The following MGRN1 variants were observed in gnomAD, a reference collection of about 807,000 sequenced individuals.
MGRN1 encodes the protein E3 ubiquitin-protein ligase MGRN1.
MGRN1 carries 29 observed loss-of-function variants against 69.2 expected under a neutral mutation model. The ratio of observed to expected loss-of-function variants is 0.42; its 90% confidence interval spans 0.31 to 0.57. The LOEUF (loss-of-function observed/expected upper bound fraction) is 0.57. Ranked by LOEUF, MGRN1 falls within the 20% of genes least tolerant of loss-of-function variation. The pLI, the probability that MGRN1 is intolerant of heterozygous loss-of-function variation, is 0.15. For missense variants in MGRN1, 998 were observed against 796.2 expected, an observed-to-expected ratio of 1.25 and a Z score of -3.05; for synonymous variants, 470 against 344.2, an observed-to-expected ratio of 1.37 and a Z score of -4.04.
At chr16:4,663,984 G>T (rs1187953202) in intron 5 of MGRN1, 1 of 152,370 alleles carries the variant, frequency 6.6e-6, no homozygotes, top group African/African-American at 2.4e-5. Context: ...GCCTTCTTCA[G>T]AAAGTTACAG....
chr16:4,676,635 C>A lies in MGRN1; in HGVS notation c.956-828C>A, dbSNP rs552401827. Among the ~76,000 whole-genome samples, 12 of 152,292 alleles carry A rather than the reference C, an allele frequency of 7.9e-5. No homozygotes were observed. The East Asian group carries it at 1.7e-3, about 22-fold the overall frequency. ...CCTGTCCCTGGGCTGACGGCAGATG[C>A]ATTGGTTTGTTGGAGGTGGCTGGTT... is the stretch of plus-strand genomic sequence containing the variant. On this transcript the variant is annotated intron_variant, in intron 10 of 16. Transcript: ENST00000262370.
chr16:4,687,263 C>T (rs547892211), intron 16 of MGRN1: 33 of 985,370 alleles, frequency 3.3e-5, no homozygotes, highest in African/African-American at 1.2e-4. Context: ...TTACAGAAGG[C>T]GGCTCTGTCC....
At chr16:4,634,349 C>T (rs996420726) in intron 1 of MGRN1, 1 of 152,564 alleles carries the variant, frequency 6.6e-6, no homozygotes, top group African/African-American at 2.4e-5. Context: ...TTCTGTATTT[C>T]CTGGATGACC....
At position 4,635,641 on chromosome 16, in the gene MGRN1, TTC is replaced by T. The variant is rs1315582075; in HGVS notation, c.88+10595_88+10596del. ...GCCACCACACCCAGCTAACTTTTTTTTCTTTTTTTTTGAGACAGAGTCTCGCA... is the reference window on the plus strand; with the variant it reads ...GCCACCACACCCAGCTAACTTTTTTTTTTTTTTTTGAGACAGAGTCTCGCA... On this transcript the variant is annotated intron_variant, in intron 1 of 16. Transcript: ENST00000262370. 2.0e-4 allele frequency among the ~76,000 whole-genome samples: 31 copies of T among 151,434 alleles called. No individual in the cohort carries two copies. The South Asian group carries it at 4.6e-3, about 23-fold the overall frequency.
intron 13 of MGRN1, 76 bp from the exon 14 acceptor site, chr16:4,682,747 C>T (rs2079217110): frequency 7.0e-7 from 1 of 1,421,986 alleles, no homozygotes; most frequent in Non-Finnish European, 9.3e-7. Flanking sequence ...CCCCAGGTGC[C>T]CTGCATGGCT....
intron 2 of MGRN1, 47 bp downstream of exon 2, chr16:4,650,530 C>T (rs1267500647): frequency 2.1e-6 from 3 of 1,463,254 alleles, no homozygotes; most frequent in Admixed American, 4.2e-5. Context: ...GGTGGGAGGC[C>T]CCTGTCCCCA....
intron 1 of MGRN1, among the ~76,000 whole-genome samples, chr16:4,636,548 G>A (rs1371111136): frequency 6.6e-6 from 1 of 152,154 alleles, no homozygotes; most frequent in Non-Finnish European, 1.5e-5. Flanking sequence ...TGTTGGGGCT[G>A]TTGGGTGCAT....
At chr16:4,646,107 C>T (rs1183642326) in intron 1 of MGRN1, among the ~76,000 whole-genome samples, 1 of 151,812 alleles carries the variant, frequency 6.6e-6, no homozygotes, top group African/African-American at 2.4e-5. Flanking sequence ...GCGGCTCCGT[C>T]GGGGGGCTCT....
chr16:4,631,778 A>G (rs1898013205), intron 1 of MGRN1, among the ~76,000 whole-genome samples: 2 of 152,162 alleles, frequency 1.3e-5, no homozygotes, highest in Admixed American at 6.6e-5. Context: ...GCAGCCTGCA[A>G]TTTTGATAAG....
intron 1 of MGRN1, among the ~76,000 whole-genome samples, chr16:4,644,268 A>T (rs963153595): frequency 1.3e-5 from 2 of 148,668 alleles, no homozygotes; most frequent in African/African-American, 2.5e-5. Flanking sequence ...CTGGGTTTAC[A>T]GGTGTTAGCC....
At chr16:4,681,342 G>C (rs548874663) in intron 12 of MGRN1, 2 of 567,916 alleles carry the variant, frequency 3.5e-6, no homozygotes, top group South Asian at 4.8e-5. Context: ...AGGCACCAGC[G>C]TGGGCATTTG....
At chr16:4,671,562 A>G in intron 9 of MGRN1, 103 bp downstream of exon 9, 1 of 1,040,488 alleles carries the variant, frequency 9.6e-7, no homozygotes, top group South Asian at 1.3e-5. Flanking sequence ...CTTCCCCTGG[A>G]GTCCTAGACC....
Position 4,629,232 on chromosome 16 carries a change from C to G in MGRN1, c.88+4184C>G, listed in dbSNP as rs1261656359. 3.3e-5 allele frequency among the ~76,000 whole-genome samples: 5 copies of G among 150,564 alleles called. No homozygotes were observed. In the Admixed American group the frequency reaches 3.3e-4, roughly 10 times the overall value. Reference sequence around the variant, plus strand: ...GAGTCTTTTGTCCAATTTTCAAAAACTGGATTGTTTATCTTACGGAGTTGT... The same window carrying G: ...GAGTCTTTTGTCCAATTTTCAAAAAGTGGATTGTTTATCTTACGGAGTTGT... On this transcript the variant is annotated intron_variant, in intron 1 of 16. Coordinates refer to ENST00000262370, the MANE Select transcript of MGRN1 (RefSeq NM_015246.4).
chr16:4,665,787 A>G (rs982628938), intron 7 of MGRN1, among the ~76,000 whole-genome samples: 5 of 149,502 alleles, frequency 3.3e-5, no homozygotes, highest in Non-Finnish European at 7.4e-5. Flanking sequence ...CTCCTGCCTC[A>G]GCCTCCAAGT....
intron 7 of MGRN1, among the ~76,000 whole-genome samples, chr16:4,666,279 C>T (rs1160733559): frequency 6.6e-6 from 1 of 152,134 alleles, no homozygotes; most frequent in Non-Finnish European, 1.5e-5. Flanking sequence ...TAGGCATGCA[C>T]CACCACGTCT....
At chr16:4,665,031 G>C in intron 6 of MGRN1, 71 bp from the exon 7 acceptor site, 1 of 1,562,568 alleles carries the variant, frequency 6.4e-7, no homozygotes, top group Admixed American at 1.7e-5. Context: ...GGCCTACCAG[G>C]GTCGGGGAGG....
At chr16:4,684,427 G>T (rs1444861064) in intron 16 of MGRN1, among the ~76,000 whole-genome samples, 1 of 152,230 alleles carries the variant, frequency 6.6e-6, no homozygotes, top group Non-Finnish European at 1.5e-5. Flanking sequence ...ACGCTGTGCT[G>T]GGTAGCGGGG....
At chr16:4,643,837 CAAG>C (rs748042543) in intron 1 of MGRN1, among the ~76,000 whole-genome samples, 50 of 152,218 alleles carry the variant, frequency 3.3e-4, no homozygotes, top group Non-Finnish European at 5.4e-4. Context: ...TTATCAATAA[CAAG>C]AAGAAATACG....
chr16:4,669,235 A>G (rs1338229271), intron 8 of MGRN1: 1 of 152,216 alleles, frequency 6.6e-6, no homozygotes, highest in African/African-American at 2.4e-5. Context: ...GGAGTTTGAT[A>G]TCAGCTTGGC....
Sources: allele counts gnomAD v4.1 joint callset (sites outside exome capture counted in the v4.1 genomes callset), GRCh38; gene constraint gnomAD v4.1.1; transcripts MANE v1.5; gene names NCBI Gene and HGNC (gene_info 2026-07-23, HGNC 2026-07-21).